BDP1: variants seen among roughly 807,000 people sequenced by gnomAD.
BDP1 encodes transcription factor TFIIIB component B'' homolog.
Under a neutral mutation model 266.6 loss-of-function variants are expected in BDP1, and 169 were observed. The observed-to-expected ratio is 0.63, with a 90% CI of 0.56 to 0.72. The LOEUF is 0.72. Among genes scored for constraint, BDP1 ranks in the 30% least tolerant of loss-of-function variants. The pLI is 0.00. For synonymous variants in BDP1, 1,090 were observed against 1,022.4 expected, an observed-to-expected ratio of 1.07 and a Z score of -1.26; for missense variants, 3,015 against 3,053.8, an observed-to-expected ratio of 0.99 and a Z score of 0.30.
intron 8 of BDP1, among the ~76,000 whole-genome samples, chr5:71,484,598 C>T (rs981766901): frequency 2.0e-5 from 3 of 151,860 alleles, no homozygotes; most frequent in African/African-American, 7.3e-5. Flanking sequence ...AACTAAAATC[C>T]TCATTAAAAT....
Position 71,514,924 on chromosome 5 carries a change from A to G in BDP1, c.4471-20A>G. On this transcript the variant is annotated intron_variant, in intron 19 of 38. Coordinates refer to ENST00000358731, the MANE Select transcript of BDP1 (RefSeq NM_018429.3). ...TATACTTTTAGCAACTGTGAATGAAATTTTTTTTCTGTCTTCTAGGATGAA... is the reference window on the plus strand; with the variant it reads ...TATACTTTTAGCAACTGTGAATGAAGTTTTTTTTCTGTCTTCTAGGATGAA... The G allele has an allele frequency of 6.4e-7, 1 of 1,558,352 alleles. No individual in the cohort carries two copies. Among genetic ancestry groups the G allele is most frequent in the East Asian group, 2.3e-5 (1 of 43,540 alleles).
Position 71,516,014 on chromosome 5 carries a change from C to G in BDP1, c.4650-47C>G, listed in dbSNP as rs1036667750. ...TTTACATTTTTACATTAGTTTTCAG[C>G]TTTTTACAGTCAAGCGCCCTGCCTT... On this transcript the variant is annotated intron_variant, in intron 20 of 38. Coordinates refer to ENST00000358731, the MANE Select transcript of BDP1 (RefSeq NM_018429.3). 3 of 1,397,132 alleles carry G rather than the reference C, an allele frequency of 2.1e-6. No homozygotes were observed. The African/African-American group carries it at 4.4e-5, about 20-fold the overall frequency. The allele number at this position is 1,397,132 out of a possible 1,614,324, so 86.5% of individuals were successfully genotyped here.
At chr5:71,557,402 T>G (rs1368674684) in intron 36 of BDP1, among the ~76,000 whole-genome samples, 2 of 141,088 alleles carry the variant, frequency 1.4e-5, no homozygotes, top group East Asian at 4.1e-4. Flanking sequence ...TTTTTTTTTT[T>G]GAGACGGTGT....
At chr5:71,494,451 G>C (rs1763765414) in intron 11 of BDP1, 1 of 152,210 alleles carries the variant, frequency 6.6e-6, no homozygotes, top group African/African-American at 2.4e-5. Flanking sequence ...AGCCTTCTGA[G>C]TAGCTAGGAC....
At chr5:71,530,825 C>T (rs1017902886) in intron 25 of BDP1, among the ~76,000 whole-genome samples, 1 of 152,138 alleles carries the variant, frequency 6.6e-6, no homozygotes, top group East Asian at 1.9e-4. Flanking sequence ...TGCCCATAGT[C>T]CCAGCACTTT....
intron 16 of BDP1, 62 bp downstream of exon 16, chr5:71,504,813 A>G: frequency 6.5e-7 from 1 of 1,531,276 alleles, no homozygotes; most frequent in Admixed American, 1.8e-5. Flanking sequence ...GAACTCAATC[A>G]GTTTTTTAAA....
intron 26 of BDP1, among the ~76,000 whole-genome samples, chr5:71,537,448 A>G (rs534452827): frequency 6.6e-6 from 1 of 152,318 alleles, no homozygotes; most frequent in Non-Finnish European, 1.5e-5. Flanking sequence ...GAGTTACTAA[A>G]AAACTTGCAT....
At chr5:71,532,980 T>C (rs1406320569) in intron 26 of BDP1, among the ~76,000 whole-genome samples, 4 of 152,234 alleles carry the variant, frequency 2.6e-5, no homozygotes, top group Non-Finnish European at 5.9e-5. Flanking sequence ...TTGCCTTCTG[T>C]CTTTATAGAT....
At chr5:71,504,403 A>C (rs911344653) in intron 15 of BDP1, among the ~76,000 whole-genome samples, 18 of 152,104 alleles carry the variant, frequency 1.2e-4, no homozygotes, top group Middle Eastern at 3.4e-3. Flanking sequence ...TTGTTTTTTG[A>C]TTGGGAGGAA....
intron 18 of BDP1, 71 bp from the exon 19 acceptor site, chr5:71,513,114 G>T: frequency 3.0e-6 from 3 of 986,400 alleles, no homozygotes; most frequent in Non-Finnish European, 3.1e-6. Flanking sequence ...CAGTCTCTAA[G>T]GTTGTACTGA....
At chr5:71,498,886 G>C (rs1035270599) in intron 13 of BDP1, among the ~76,000 whole-genome samples, 2 of 151,982 alleles carry the variant, frequency 1.3e-5, no homozygotes, top group Non-Finnish European at 2.9e-5. Context: ...ACCACGCCCA[G>C]CTAATTTTTG....
At chr5:71,489,880 G>A (rs538644474) in intron 10 of BDP1, among the ~76,000 whole-genome samples, 198 bp downstream of exon 10, 20 of 152,256 alleles carry the variant, frequency 1.3e-4, no homozygotes, top group African/African-American at 3.6e-4. Context: ...ATTAAAGTGG[G>A]GAGATTGTTC....
chr5:71,489,146 T>A (rs1313430451), intron 9 of BDP1, among the ~76,000 whole-genome samples: 1 of 152,208 alleles, frequency 6.6e-6, no homozygotes, highest in African/African-American at 2.4e-5. Flanking sequence ...TGTATCTTGT[T>A]CTGCTTGGTT....
At chr5:71,492,194 C>T (rs926636378) in intron 11 of BDP1, among the ~76,000 whole-genome samples, 9 of 152,198 alleles carry the variant, frequency 5.9e-5, no homozygotes, top group African/African-American at 2.2e-4. Context: ...GTTGGCATCA[C>T]TGAACATGGG....
intron 13 of BDP1, among the ~76,000 whole-genome samples, chr5:71,500,393 C>T (rs145232746): frequency 1.6e-5 from 2 of 125,444 alleles, no homozygotes; most frequent in Admixed American, 9.9e-5. Flanking sequence ...GGTGTGATTT[C>T]GGCTCACAGC....
chr5:71,543,879 A>G (rs1288087051), intron 30 of BDP1, among the ~76,000 whole-genome samples: 4 of 152,208 alleles, frequency 2.6e-5, no homozygotes, highest in African/African-American at 7.2e-5. Context: ...TGAAAAATAC[A>G]TGAGAACCAT....
At chr5:71,512,740 T>G (rs887608889) in intron 18 of BDP1, among the ~76,000 whole-genome samples, 1 of 152,118 alleles carries the variant, frequency 6.6e-6, no homozygotes, top group Admixed American at 6.6e-5. Flanking sequence ...TGCCAGATAG[T>G]TCGATTTGTT....
intron 14 of BDP1, 93 bp downstream of exon 14, chr5:71,501,746 A>G: frequency 1.3e-6 from 1 of 790,012 alleles, no homozygotes; most frequent in Non-Finnish European, 2.1e-6. Context: ...TAAGGTCTGA[A>G]TTTAATTTTC....
At chr5:71,558,137 C>T (rs907787444) in intron 36 of BDP1, among the ~76,000 whole-genome samples, 9 of 152,158 alleles carry the variant, frequency 5.9e-5, no homozygotes, top group African/African-American at 2.2e-4. Flanking sequence ...TTTACCATGG[C>T]AATGGCACTC....
Sources: gnomAD v4.1 joint callset for allele counts (sites outside exome capture counted in the v4.1 genomes callset) on GRCh38, gnomAD v4.1.1 for gene constraint, MANE v1.5 for transcripts, NCBI Gene and HGNC (gene_info 2026-07-23, HGNC 2026-07-21) for gene names.